Variants in GPR55 observed in about 807,000 individuals in gnomAD.
The protein encoded by GPR55 is G-protein coupled receptor 55.
GPR55 carries 6 observed loss-of-function variants against 7.9 expected under a neutral mutation model. The observed-to-expected ratio is 0.76, with a 90% CI of 0.41 to 1.49. The LOEUF is 1.49. GPR55 is among the 40% of genes most tolerant of loss of function. The pLI, the probability that GPR55 is intolerant of heterozygous loss-of-function variation, is 0.01. For missense variants in GPR55, 376 were observed against 406.0 expected, an observed-to-expected ratio of 0.93 and a Z score of 0.63; for synonymous variants, 183 against 166.8, an observed-to-expected ratio of 1.10 and a Z score of -0.75.
intron 1 of GPR55, among the ~76,000 whole-genome samples, chr2:230,960,005 C>T (rs749561628): frequency 6.6e-6 from 1 of 152,224 alleles, no homozygotes; most frequent in Non-Finnish European, 1.5e-5. Context: ...CTATCAGAGC[C>T]TGGATCATAG....
rs574186854 is a variant in GPR55, at chr2:230,908,284, C to G, written c.*1719G>C. Reference sequence around the variant, plus strand: ...CCACTTCCACCCCTTCATTGACGCTCTCTTCCTCACCCTTCCCTCCATCCA... The same window carrying G: ...CCACTTCCACCCCTTCATTGACGCTGTCTTCCTCACCCTTCCCTCCATCCA... On this transcript the variant is annotated 3_prime_UTR_variant, in exon 2 of 2. Coordinates refer to ENST00000650999, the MANE Select transcript of GPR55 (RefSeq NM_005683.4). 2.1e-3 allele frequency: 322 copies of G among 153,182 alleles called. 1 individual carries two copies. The highest frequency in any genetic ancestry group is 3.9e-3 in the Non-Finnish European group (270 of 68,674). The allele number at this position is 153,182 out of a possible 1,614,324, so 9.5% of individuals were successfully genotyped here.
At chr2:230,934,027 G>A (rs977679905) in intron 1 of GPR55, among the ~76,000 whole-genome samples, 5 of 152,086 alleles carry the variant, frequency 3.3e-5, no homozygotes, top group African/African-American at 9.7e-5. Context: ...CCCTCTCCTC[G>A]CCTCTATTGT....
In GPR55 at chr2:230,944,261, A is replaced by G. The variant is rs1050128761; in HGVS notation, c.-135+16514T>C. Among the ~76,000 whole-genome samples, 61 of 152,160 alleles carry G rather than the reference A, an allele frequency of 4.0e-4. No individual in the cohort carries two copies. Among genetic ancestry groups the G allele is most frequent in the African/African-American group, 1.4e-3 (60 of 41,430 alleles). ...AAAGGGGCAAATCCACATCCCTCCA[A>G]CGTGTGCCCACATGACTGTCCCGGG... On this transcript the variant is annotated intron_variant, in intron 1 of 1. Coordinates refer to the GPR55 transcript ENST00000392039. The surrounding 1 kb of genome is among the most constrained non-coding windows in gnomAD (Gnocchi z 4.2).
At chr2:230,943,459 A>G (rs1691265815) in intron 1 of GPR55, among the ~76,000 whole-genome samples, 1 of 152,192 alleles carries the variant, frequency 6.6e-6, no homozygotes, top group Non-Finnish European at 1.5e-5. Context: ...TCCTGGCAGG[A>G]GCAGCAGTGC....
rs1690878600 is a variant in GPR55 at position 230,923,284 on chromosome 2, C to T, written c.-135+1884G>A. Among the ~76,000 whole-genome samples the T allele has an allele frequency of 6.6e-6, 1 of 152,176 alleles. No homozygotes were observed. Among genetic ancestry groups the T allele is most frequent in the African/African-American group, 2.4e-5 (1 of 41,434 alleles). On this transcript the variant is annotated intron_variant, in intron 1 of 1. Coordinates refer to ENST00000650999, the MANE Select transcript of GPR55 (RefSeq NM_005683.4). The surrounding 1 kb of genome is among the most constrained non-coding windows in gnomAD (Gnocchi z 4.1). ...GGTTGCAACTGAGAAGGTGGCCCTT[C>T]CTGCAGCTGCCAGGCTGTTATCTGC...
intron 1 of GPR55, among the ~76,000 whole-genome samples, chr2:230,932,446 T>C (rs1240947638): frequency 6.6e-6 from 1 of 152,204 alleles, no homozygotes; most frequent in Non-Finnish European, 1.5e-5. Context: ...TTCTGTTACA[T>C]AATGCACATA....
chr2:230,931,115 G>T (rs1311896029), intron 1 of GPR55, among the ~76,000 whole-genome samples: 1 of 152,102 alleles, frequency 6.6e-6, no homozygotes, highest in African/African-American at 2.4e-5. Flanking sequence ...CACATGCAGA[G>T]CTACCACCTC....
intron 1 of GPR55, among the ~76,000 whole-genome samples, chr2:230,958,419 G>T (rs896226777): frequency 5.3e-5 from 8 of 152,126 alleles, no homozygotes; most frequent in Non-Finnish European, 7.4e-5. Flanking sequence ...TTTAGTTATT[G>T]TTAAATGTTC....
At chr2:230,932,402 G>T (rs1384437366) in intron 1 of GPR55, among the ~76,000 whole-genome samples, 1 of 152,170 alleles carries the variant, frequency 6.6e-6, no homozygotes. Context: ...ATATCATTTT[G>T]AAATTACAGA....
Position 230,924,715 on chromosome 2 carries a change from C to G in GPR55, c.-135+453G>C, listed in dbSNP as rs2125057939. ...GTCCCCAGTAAGCACTTGCTCAGGGCTGCAGGATGATCCCTGAGAGTGTGT... is the reference window on the plus strand; with the variant it reads ...GTCCCCAGTAAGCACTTGCTCAGGGGTGCAGGATGATCCCTGAGAGTGTGT... On this transcript the variant is annotated intron_variant, in intron 1 of 1. Transcript: ENST00000650999. This position sits in a 1 kb window ranked among gnomAD's most constrained non-coding sequence, Gnocchi z 4.5. 6.6e-6 allele frequency: 1 copy of G among 152,242 alleles called. No individual in the cohort carries two copies. The highest frequency in any genetic ancestry group is 1.9e-4 in the East Asian group (1 of 5,164). 9.4% of individuals were successfully genotyped at this position (152,242 alleles called of 1,614,324 possible).
intron 1 of GPR55, among the ~76,000 whole-genome samples, chr2:230,935,284 G>A (rs1232093626): frequency 6.6e-6 from 1 of 152,144 alleles, no homozygotes; most frequent in Non-Finnish European, 1.5e-5. Flanking sequence ...AGAGTGTGTG[G>A]TCCCAGCCCG....
upstream of GPR55, chr2:230,930,052 C>G (rs570060953): frequency 7.1e-6 from 1 of 141,514 alleles, no homozygotes. Context: ...GCAGCCAGGA[C>G]CCCCCCGCCT....
chr2:230,922,348 C>G (rs544522342), intron 1 of GPR55, among the ~76,000 whole-genome samples: 2 of 152,134 alleles, frequency 1.3e-5, no homozygotes, highest in African/African-American at 4.8e-5. Context: ...TGCTCAGCCC[C>G]GAGCCCGGAG....
intron 1 of GPR55, among the ~76,000 whole-genome samples, chr2:230,931,237 A>G (rs1691033686): frequency 5.3e-5 from 8 of 152,204 alleles, no homozygotes; most frequent in Admixed American, 5.2e-4. Flanking sequence ...GTCATTGCCA[A>G]TGGTGACAGC....
chr2:230,940,034 GA>G (rs1221729479), intron 1 of GPR55, among the ~76,000 whole-genome samples: 1 of 152,114 alleles, frequency 6.6e-6, no homozygotes, highest in African/African-American at 2.4e-5. Flanking sequence ...CCAGGCACCA[GA>G]AAGAGCCAGT....
chr2:230,941,499 G>T (rs193074359), intron 1 of GPR55, among the ~76,000 whole-genome samples: 1 of 152,312 alleles, frequency 6.6e-6, no homozygotes, highest in Non-Finnish European at 1.5e-5. Flanking sequence ...GGTGAGCTGT[G>T]TGCCCACCAC....
intron 1 of GPR55, among the ~76,000 whole-genome samples, chr2:230,960,474 T>A (rs1208441562): frequency 6.6e-6 from 1 of 152,046 alleles, no homozygotes; most frequent in African/African-American, 2.4e-5. Flanking sequence ...TACTCAGATG[T>A]TTTCCTATAG....
chr2:230,910,286 T>C lies in GPR55; in HGVS notation c.677A>G (p.Tyr226Cys). The change falls in exon 2 of 2, where the codon TAC becomes TGC. Residue 226 changes from tyrosine (Y) to cysteine (C), a missense_variant. Physicochemically the swap from Tyr to Cys is radical, Grantham distance 194 (BLOSUM62 -2). Coordinates refer to ENST00000650999, the MANE Select transcript of GPR55 (RefSeq NM_005683.4). This position sits in a 1 kb window ranked among gnomAD's most constrained non-coding sequence, Gnocchi z 5.4. ...QDWVQQKACI[Y>C]SIAASLAVFV... is the part of the protein sequence containing the mutation. ...GACAGCCAGGCTGGCTGCGATGCTG[T>C]AGATGCAGGCTTTCTGCTGCACCCA... 6.2e-7 allele frequency: 1 copy of C among 1,613,920 alleles called. No individual in the cohort carries two copies. Among genetic ancestry groups the C allele is most frequent in the Non-Finnish European group, 8.5e-7 (1 of 1,179,946 alleles).
At position 230,933,083 on chromosome 2, in the gene GPR55, C is replaced by G. The variant is rs375821156; in HGVS notation, c.-134-21987G>C. ...CACTCCTTTCCCTGCCCCTTCCTGC[C>G]TCTTCCCCCTTCCCTGCTACCCTCC... On this transcript the variant is annotated intron_variant, in intron 1 of 1. Transcript: ENST00000392039. Among the ~76,000 whole-genome samples the G allele has an allele frequency of 9.1e-5, 8 of 88,142 alleles. No individual in the cohort carries two copies. The East Asian group carries it at 2.0e-3, about 22-fold the overall frequency. The allele number at this position is 88,142 out of a possible 152,430, so 57.8% of individuals were successfully genotyped here. A position where few individuals can be genotyped will look rare whatever the true frequency, so the allele number is the denominator to read the frequency against.
Sources: allele counts gnomAD v4.1 joint callset (sites outside exome capture counted in the v4.1 genomes callset), GRCh38; gene constraint gnomAD v4.1.1; non-coding constraint Gnocchi (gnomAD v3.1); transcripts MANE v1.5; gene names NCBI Gene and HGNC (gene_info 2026-07-23, HGNC 2026-07-21).